Variants in SPTB observed in about 807,000 individuals in gnomAD.
SPTB encodes spectrin beta chain, erythrocytic.
A neutral mutation model predicts 256.2 loss-of-function variants in SPTB; 45 were observed. The observed-to-expected ratio is 0.18, with a 90% CI of 0.14 to 0.23. The LOEUF is 0.23. SPTB is among the 10% of genes least tolerant of loss of function. The pLI, the probability that SPTB is intolerant of heterozygous loss-of-function variation, is 1.00. For synonymous variants in SPTB, 1,231 were observed against 1,243.1 expected (o/e 0.99, Z 0.21); for missense variants, 2,715 against 3,040.4 (o/e 0.89, Z 2.52).
At chr14:64,770,753 C>T (rs998855373) in intron 27 of SPTB, 132 bp downstream of exon 27, 20 of 1,418,440 alleles carry the variant, frequency 1.4e-5, no homozygotes, top group African/African-American at 5.6e-5. Flanking sequence ...CCTCAAGTGT[C>T]CCCCAGGGAT....
intron 1 of SPTB, among the ~76,000 whole-genome samples, chr14:64,877,091 C>A (rs72625646): frequency 0.054 from 8,183 of 151,786 alleles, 286 homozygotes; most frequent in East Asian, 0.086. Context: ...ATCACACTGT[C>A]CCTATGTATC....
chr14:64,749,615 C>A lies in SPTB; in HGVS notation c.6819+39G>T, dbSNP rs375124101. On this transcript the variant is annotated intron_variant, in intron 35 of 35. Coordinates refer to ENST00000644917, the MANE Select transcript of SPTB (RefSeq NM_001355436.2). The surrounding 1 kb of genome is among the most constrained non-coding windows in gnomAD (Gnocchi z 4.7). The stretch of plus-strand genomic sequence containing the variant: ...GCGGCCTGGGGTCCTCCACCTACCC[C>A]CTTCTTAGCCAGGTCTGGGCTAGGC... 9.3e-6 allele frequency: 15 copies of A among 1,612,772 alleles called. No individual in the cohort carries two copies. Among genetic ancestry groups the A allele is most frequent in the Middle Eastern group, 1.6e-4 (1 of 6,062 alleles).
chr14:64,758,783 G>T lies in SPTB; in HGVS notation c.6346-4990C>A, dbSNP rs529326558. Among the ~76,000 whole-genome samples the T allele has an allele frequency of 1.3e-5, 2 of 152,322 alleles. No individual in the cohort carries two copies. Among genetic ancestry groups the T allele is most frequent in the South Asian group, 4.1e-4 (2 of 4,830 alleles). ...TGCTGCTGGCAGGCTCCTTGCTCACGGGGGAGGAGGGGTGTGGGAGCCTGA... is the reference window on the plus strand; with the variant it reads ...TGCTGCTGGCAGGCTCCTTGCTCACTGGGGAGGAGGGGTGTGGGAGCCTGA... On this transcript the variant is annotated intron_variant, in intron 32 of 35. Transcript: ENST00000644917. The surrounding 1 kb of genome is among the most constrained non-coding windows in gnomAD (Gnocchi z 4.6).
chr14:64,845,548 G>A lies in SPTB; in HGVS notation c.-51-22403C>T, dbSNP rs566790992. ...CCCACAAATATCTTCTGAGCACTGC[G>A]TTGAACTCTCAAACTTAAAGTTTTA... On this transcript the variant is annotated intron_variant, in intron 1 of 35. Transcript: ENST00000644917. This position sits in a 1 kb window ranked among gnomAD's most constrained non-coding sequence, Gnocchi z 4.8. Among the ~76,000 whole-genome samples the A allele has an allele frequency of 3.3e-5, 5 of 152,324 alleles. No homozygotes were observed. Among genetic ancestry groups the A allele is most frequent in the Admixed American group, 3.3e-4 (5 of 15,292 alleles).
intron 1 of SPTB, among the ~76,000 whole-genome samples, chr14:64,872,165 T>C (rs1157696455): frequency 6.6e-6 from 1 of 152,210 alleles, no homozygotes; most frequent in Non-Finnish European, 1.5e-5. Flanking sequence ...AAATAGCCCA[T>C]GGTACATTTG....
chr14:64,796,842 C>A lies in SPTB; in HGVS notation c.1183-127G>T. The A allele has an allele frequency of 8.0e-7, 1 of 1,249,054 alleles. No individual in the cohort carries two copies. Among genetic ancestry groups the A allele is most frequent in the Non-Finnish European group, 1.1e-6 (1 of 875,462 alleles). 77.4% of individuals were successfully genotyped at this position (1,249,054 alleles called of 1,614,324 possible). A position where few individuals can be genotyped will look rare whatever the true frequency, so the allele number is the denominator to read the frequency against. On this transcript the variant is annotated intron_variant, in intron 10 of 35. Coordinates refer to ENST00000644917, the MANE Select transcript of SPTB (RefSeq NM_001355436.2). The surrounding 1 kb of genome is among the most constrained non-coding windows in gnomAD (Gnocchi z 4.1). ...GGTACAGCCTGATGCTCTTGGGTGA[C>A]GTGGTAGCAGATTAAAGATCAATAA... is the stretch of plus-strand genomic sequence containing the variant.
chr14:64,860,844 T>C (rs2083955030), intron 1 of SPTB, among the ~76,000 whole-genome samples: 2 of 152,140 alleles, frequency 1.3e-5, no homozygotes, highest in South Asian at 4.2e-4. Flanking sequence ...GAAATACCAT[T>C]TGATCCAGCA....
chr14:64,760,140 A>G lies in SPTB; in HGVS notation c.6346-6347T>C, dbSNP rs28410955. On this transcript the variant is annotated intron_variant, in intron 32 of 35. Coordinates refer to ENST00000644917, the MANE Select transcript of SPTB (RefSeq NM_001355436.2). The surrounding 1 kb of genome is among the most constrained non-coding windows in gnomAD (Gnocchi z 4.3). ...GCCACAGGCTCCCAATGGGTGCGGG[A>G]TGGCCATCTCTGGGTCTTTGCAGTC... 3.3e-3 allele frequency among the ~76,000 whole-genome samples: 505 copies of G among 152,166 alleles called. 5 individuals carry two copies. The highest frequency in any genetic ancestry group is 0.011 in the African/African-American group (458 of 41,494).
At position 64,784,230 on chromosome 14, in the gene SPTB, C is replaced by T; in HGVS notation, c.4002+17G>A. On this transcript the variant is annotated intron_variant, in intron 19 of 35. Coordinates refer to ENST00000644917, the MANE Select transcript of SPTB (RefSeq NM_001355436.2). The stretch of plus-strand genomic sequence containing the variant: ...TCTGAGCAGAGCACCCACCCGCCGC[C>T]CAATCACTTTACTTACCGCATCGAT... The T allele has an allele frequency of 6.2e-7, 1 of 1,614,158 alleles. No homozygotes were observed.
rs181065617 is a variant in SPTB at position 64,778,469 on chromosome 14, C to A, written c.4563+688G>T. Among the ~76,000 whole-genome samples, 4 of 152,170 alleles carry A rather than the reference C, an allele frequency of 2.6e-5. No homozygotes were observed. The highest frequency in any genetic ancestry group is 2.6e-4 in the Admixed American group (4 of 15,288). ...TCTGTGGCCATTCCCCTGGCCGCTGCGACCCCACACAGCCAGCTTCCTTAC... is the reference window on the plus strand; with the variant it reads ...TCTGTGGCCATTCCCCTGGCCGCTGAGACCCCACACAGCCAGCTTCCTTAC... On this transcript the variant is annotated intron_variant, in intron 22 of 35. Transcript: ENST00000644917. The surrounding 1 kb of genome is among the most constrained non-coding windows in gnomAD (Gnocchi z 5.2).
chr14:64,828,047 T>G (rs1462881592), intron 1 of SPTB, among the ~76,000 whole-genome samples: 1 of 152,220 alleles, frequency 6.6e-6, no homozygotes. Context: ...TGGCTATTAG[T>G]GCATCACTGA....
In SPTB at chr14:64,759,859, G is replaced by C. The variant is rs894598226; in HGVS notation, c.6346-6066C>G. On this transcript the variant is annotated intron_variant, in intron 32 of 35. Coordinates refer to ENST00000644917, the MANE Select transcript of SPTB (RefSeq NM_001355436.2). This position sits in a 1 kb window ranked among gnomAD's most constrained non-coding sequence, Gnocchi z 4.8. The stretch of plus-strand genomic sequence containing the variant: ...GGGTGTCCAGTTGCGGGCAGCAAGG[G>C]AGTCTAGACCATAAATGGAGGTGAA... 1.3e-5 allele frequency among the ~76,000 whole-genome samples: 2 copies of C among 152,234 alleles called. No individual in the cohort carries two copies. Among genetic ancestry groups the C allele is most frequent in the African/African-American group, 4.8e-5 (2 of 41,456 alleles).
At position 64,787,970 on chromosome 14, in the gene SPTB, C is replaced by T. The variant is rs929267573; in HGVS notation, c.2805-810G>A. Among the ~76,000 whole-genome samples, 47 of 152,316 alleles carry T rather than the reference C, an allele frequency of 3.1e-4. 1 individual carries two copies. The highest frequency in any genetic ancestry group is 1.5e-3 in the Admixed American group (23 of 15,296). ...ATTCTCTAATCGAACCCATCTTTCT[C>T]GAACACCCACAGGGGTATAAGCCAT... On this transcript the variant is annotated intron_variant, in intron 15 of 35. Transcript: ENST00000644917.
chr14:64,769,776 G>C, intron 27 of SPTB, 48 bp from the exon 28 acceptor site: 1 of 1,613,246 alleles, frequency 6.2e-7, no homozygotes, highest in Non-Finnish European at 8.5e-7. Flanking sequence ...GGTCACTCTG[G>C]CCTGCCTCTG....
intron 20 of SPTB, 96 bp downstream of exon 20, chr14:64,782,194 T>C: frequency 1.9e-6 from 3 of 1,570,972 alleles, no homozygotes; most frequent in South Asian, 2.2e-5. Flanking sequence ...AACCTTCACA[T>C]GTACCCCCAA....
Position 64,847,067 on chromosome 14 carries a change from C to T in SPTB, c.-51-23922G>A, listed in dbSNP as rs957536627. Among the ~76,000 whole-genome samples the T allele has an allele frequency of 5.3e-5, 8 of 152,144 alleles. No homozygotes were observed. The highest frequency in any genetic ancestry group is 9.7e-5 in the African/African-American group (4 of 41,436). Reference sequence around the variant, plus strand: ...ATGTTTCTCAACAGTCATAAAAGCCCCTTGTCTATGTGTAGCTCCACCTCG... The same window carrying T: ...ATGTTTCTCAACAGTCATAAAAGCCTCTTGTCTATGTGTAGCTCCACCTCG... On this transcript the variant is annotated intron_variant, in intron 1 of 35. Transcript: ENST00000644917. The surrounding 1 kb of genome is among the most constrained non-coding windows in gnomAD (Gnocchi z 5.9).
intron 2 of SPTB, among the ~76,000 whole-genome samples, chr14:64,818,405 A>G (rs890974596): frequency 6.6e-6 from 1 of 152,056 alleles, no homozygotes; most frequent in African/African-American, 2.4e-5. Flanking sequence ...AGGGGAGTGG[A>G]AGGAGGGAGG....
intron 15 of SPTB, among the ~76,000 whole-genome samples, chr14:64,788,459 A>G (rs553630636): frequency 6.6e-6 from 1 of 152,150 alleles, no homozygotes; most frequent in Non-Finnish European, 1.5e-5. Flanking sequence ...GAGGAGAGAG[A>G]GCCTGCAGAT....
Position 64,779,898 on chromosome 14 carries a change from C to T in SPTB, c.4300G>A (p.Glu1434Lys). The T allele has an allele frequency of 6.2e-7, 1 of 1,613,992 alleles. No individual in the cohort carries two copies. The highest frequency in any genetic ancestry group is 8.5e-7 in the Non-Finnish European group (1 of 1,179,920). Residue 1434 changes from glutamate (E) to lysine (K), a missense_variant, in exon 21 of 36, where the codon GAG becomes AAG. Physicochemically the swap from Glu to Lys is moderately conservative, Grantham distance 56. Transcript: ENST00000644917. This position sits in a 1 kb window ranked among gnomAD's most constrained non-coding sequence, Gnocchi z 4.2. ...ACCTGGGCAAACAGCTCCCCCAGCT[C>T]CTCTTTTCGCACATTCACTTGGTCC... ...VEDQVNVRKE[E>K]LGELFAQVPS...
Sources: gnomAD v4.1 joint callset for allele counts (sites outside exome capture counted in the v4.1 genomes callset) on GRCh38, gnomAD v4.1.1 for gene constraint, Gnocchi (gnomAD v3.1) non-coding constraint, MANE v1.5 for transcripts, NCBI Gene and HGNC (gene_info 2026-07-23, HGNC 2026-07-21) for gene names.